CCHCR1: variants seen among roughly 807,000 people sequenced by gnomAD.
CCHCR1 encodes the protein coiled-coil alpha-helical rod protein 1, also known as HCR (a-helix coiled-coil rod homologue).
A neutral mutation model predicts 114.6 loss-of-function variants in CCHCR1; 91 were observed. The ratio of observed to expected loss-of-function variants is 0.79; its 90% CI spans 0.67 to 0.94. The LOEUF (loss-of-function observed/expected upper bound fraction) is 0.94. Among genes scored for constraint, CCHCR1 ranks in the 40% least tolerant of loss-of-function variants. The probability of loss-of-function intolerance (pLI) is 0.00; values close to 1 mark genes in which losing one functional copy is unlikely to be tolerated. For synonymous variants in CCHCR1, 379 were observed against 428.5 expected (o/e 0.88, Z 1.43); for missense variants, 899 against 1,079.9 (o/e 0.83, Z 2.35).
rs9263769 is a variant in CCHCR1, at chr6:31,151,939, G to T, written c.802-817C>A. On this transcript the variant is annotated intron_variant, in intron 4 of 17. Coordinates refer to ENST00000396268, the MANE Select transcript of CCHCR1 (RefSeq NM_001105564.2). This position sits in a 1 kb window ranked among gnomAD's most constrained non-coding sequence, Gnocchi z 4.1. The stretch of plus-strand genomic sequence containing the variant: ...ATACAACAATAAAATTAATTTGGGG[G>T]ACATAAATGACAAAATTTTTTAGAC... 0.15 allele frequency among the ~76,000 whole-genome samples: 22,170 copies of T among 152,066 alleles called. 1,729 individuals are homozygous for T. Among genetic ancestry groups the T allele is most frequent in the African/African-American group, 0.16 (6,616 of 41,458 alleles).
At chr6:31,157,355 T>C (rs1323704280) in intron 1 of CCHCR1, 30 bp downstream of exon 1, 4 of 1,557,982 alleles carry the variant, frequency 2.6e-6, no homozygotes, top group Middle Eastern at 1.7e-4. Context: ...GCTTTACTCA[T>C]ACTTTCAGGA....
Position 31,157,612 on chromosome 6 carries a change from C to A in CCHCR1, c.-12G>T, listed in dbSNP as rs769051430. ...GAATGTGGCCACATGCAGGGCTAGACCCTCCCCAAGACCTTGGGAATCCAG... is the reference window on the plus strand; with the variant it reads ...GAATGTGGCCACATGCAGGGCTAGAACCTCCCCAAGACCTTGGGAATCCAG... On this transcript the variant is annotated 5_prime_UTR_variant, in exon 1 of 18. Coordinates refer to ENST00000396268, the MANE Select transcript of CCHCR1 (RefSeq NM_001105564.2). The A allele has an allele frequency of 4.0e-5, 64 of 1,602,458 alleles. No homozygotes were observed. The highest frequency in any genetic ancestry group is 5.3e-5 in the Non-Finnish European group (62 of 1,175,336).
At chr6:31,147,597 A>G (rs1774539997) in intron 10 of CCHCR1, among the ~76,000 whole-genome samples, 1 of 152,154 alleles carries the variant, frequency 6.6e-6, no homozygotes. Flanking sequence ...TTTAGAAGGA[A>G]ACTAACTGGC....
chr6:31,151,126 C>A lies in CCHCR1; in HGVS notation c.802-4G>T, dbSNP rs74705176. The A allele has an allele frequency of 3.1e-4, 499 of 1,610,626 alleles. 1 individual carries two copies. The African/African-American group carries it at 6.2e-3, about 20-fold the overall frequency. On this transcript the variant is annotated splice_polypyrimidine_tract_variant and splice_region_variant and intron_variant, in intron 4 of 17. Transcript: ENST00000396268. This position sits in a 1 kb window ranked among gnomAD's most constrained non-coding sequence, Gnocchi z 4.1. Reference sequence around the variant, plus strand: ...GAGCCTGTGTCAAAGAGGACAGCTGCGGAAAGAAGAGGGGGCTCAGCAGAG... The same window carrying A: ...GAGCCTGTGTCAAAGAGGACAGCTGAGGAAAGAAGAGGGGGCTCAGCAGAG...
chr6:31,152,207 G>A (rs1206221926), intron 4 of CCHCR1, among the ~76,000 whole-genome samples: 5 of 151,116 alleles, frequency 3.3e-5, no homozygotes, highest in East Asian at 2.0e-4. Flanking sequence ...ACTTGAACCC[G>A]GGAGGCGGAG....
At chr6:31,152,965 A>G (rs189777980) in intron 4 of CCHCR1, among the ~76,000 whole-genome samples, 4 of 151,628 alleles carry the variant, frequency 2.6e-5, no homozygotes, top group Admixed American at 2.6e-4. Flanking sequence ...ACGCCTCTTC[A>G]CTGGCCAACT....
Position 31,143,442 on chromosome 6 carries a change from C to T in CCHCR1, c.2168-29G>A. The T allele has an allele frequency of 6.2e-7, 1 of 1,609,654 alleles. No homozygotes were observed. The highest frequency in any genetic ancestry group is 2.2e-5 in the East Asian group (1 of 44,832). ...CAGAGAGGCCAAGGCACAGAGGAGG[C>T]AGGTGTGAGTCAGGCCAGAGGCAGC... On this transcript the variant is annotated intron_variant, in intron 15 of 17. Transcript: ENST00000396268. This position sits in a 1 kb window ranked among gnomAD's most constrained non-coding sequence, Gnocchi z 5.3.
chr6:31,145,269 G>A lies in CCHCR1; in HGVS notation c.1773C>T (p.Ser591=). ...CTTCCCGCAACTGCTGCAACTCAAG[G>A]CTCACGTCTGTGACCGGTGGTGGTA... The part of the protein sequence containing the change: ...CPLPPPVTDV[S]LELQQLREER... The change falls in exon 13 of 18, where the codon AGC becomes AGT. Residue 591 remains serine (S), a synonymous_variant. Transcript: ENST00000396268. The A allele has an allele frequency of 3.7e-6, 6 of 1,614,048 alleles. No homozygotes were observed. The highest frequency in any genetic ancestry group is 5.1e-6 in the Non-Finnish European group (6 of 1,179,988).
chr6:31,150,273 TG>T lies in CCHCR1; in HGVS notation c.1213-59del, dbSNP rs1338991358. On this transcript the variant is annotated intron_variant, in intron 7 of 17. Coordinates refer to ENST00000396268, the MANE Select transcript of CCHCR1 (RefSeq NM_001105564.2). The surrounding 1 kb of genome is among the most constrained non-coding windows in gnomAD (Gnocchi z 5.3). ...CTCCTGGGGGAGGAGAGGAAGGAGG[TG>T]GCATCTTTGTTTCTCCTCTGTCCTG... The T allele has an allele frequency of 1.9e-6, 3 of 1,571,136 alleles. No homozygotes were observed. Among genetic ancestry groups the T allele is most frequent in the Non-Finnish European group, 2.6e-6 (3 of 1,146,104 alleles).
intron 11 of CCHCR1, 97 bp downstream of exon 11, chr6:31,145,599 G>A: frequency 7.1e-7 from 1 of 1,418,292 alleles, no homozygotes; most frequent in Non-Finnish European, 1.0e-6. Context: ...AAGGAGGAAG[G>A]TGAATGGATG....
At position 31,157,575 on chromosome 6, in the gene CCHCR1, C is replaced by T. The variant is rs1314375099; in HGVS notation, c.26G>A (p.Arg9Lys). The change falls in exon 1 of 18, where the codon AGG becomes AAG. Residue 9 changes from arginine (R) to lysine (K), a missense_variant. Transcript: ENST00000396268. MWPHSAGA[R>K]PWASTLTGKD... Reference sequence around the variant, plus strand: ...CCCTGTTAAAGTGCTGGCCCAAGGCCTGGCCCCAGCTGAATGTGGCCACAT... The same window carrying T: ...CCCTGTTAAAGTGCTGGCCCAAGGCTTGGCCCCAGCTGAATGTGGCCACAT... 6.2e-7 allele frequency: 1 copy of T among 1,612,134 alleles called. No homozygotes were observed. The highest frequency in any genetic ancestry group is 1.1e-5 in the South Asian group (1 of 90,916).
chr6:31,143,346 A>ACGCCTGAGTTCCTGGCTC lies in CCHCR1; in HGVS notation c.2217_2234dup (p.Ser740_Arg745dup), dbSNP rs1561789989. ...CCTCCTTCCGGGCCTCCTCCTGCAG[A>ACGCCTGAGTTCCTGGCTC]CGCCTGAGTTCCTGGCTCCGCTCCT... On this transcript the variant is annotated inframe_insertion, in exon 16 of 18. Coordinates refer to ENST00000396268, the MANE Select transcript of CCHCR1 (RefSeq NM_001105564.2). This position sits in a 1 kb window ranked among gnomAD's most constrained non-coding sequence, Gnocchi z 5.3. 1.2e-6 allele frequency: 2 copies of ACGCCTGAGTTCCTGGCTC among 1,612,922 alleles called. No homozygotes were observed. Among genetic ancestry groups the ACGCCTGAGTTCCTGGCTC allele is most frequent in the Non-Finnish European group, 1.7e-6 (2 of 1,180,040 alleles).
intron 3 of CCHCR1, among the ~76,000 whole-genome samples, chr6:31,155,320 A>G (rs1237764243): frequency 6.6e-6 from 1 of 152,046 alleles, no homozygotes; most frequent in African/African-American, 2.4e-5. Flanking sequence ...AAAGGCATTT[A>G]TTGGCTGGGC....
rs374945040 is a variant in CCHCR1 at position 31,148,775 on chromosome 6, T to C, written c.1363-47A>G. Reference sequence around the variant, plus strand: ...GGCAGGGCCCTCTAGAGCTAAAAGATGAGGGGGGCACTGGAAGCAAAGTGG... The same window carrying C: ...GGCAGGGCCCTCTAGAGCTAAAAGACGAGGGGGGCACTGGAAGCAAAGTGG... On this transcript the variant is annotated intron_variant, in intron 8 of 17. Transcript: ENST00000396268. 3.3e-4 allele frequency: 311 copies of C among 943,184 alleles called. 3 individuals are homozygous for C. The highest frequency in any genetic ancestry group is 1.1e-4 in the Admixed American group (5 of 47,550). The allele number at this position is 943,184 out of a possible 1,614,324, so 58.4% of individuals were successfully genotyped here.
intron 10 of CCHCR1, 58 bp from the exon 11 acceptor site, chr6:31,145,866 C>A: frequency 9.4e-7 from 1 of 1,058,900 alleles, no homozygotes; most frequent in Non-Finnish European, 1.5e-6. Flanking sequence ...AAAGGACTTG[C>A]TGTGCCTTGT....
intron 8 of CCHCR1, 111 bp downstream of exon 8, chr6:31,149,955 T>G (rs1774970530): frequency 8.4e-7 from 1 of 1,185,154 alleles, no homozygotes; most frequent in South Asian, 1.4e-5. Flanking sequence ...TTCAGGGCTG[T>G]GTGCCCAGCA....
intron 10 of CCHCR1, among the ~76,000 whole-genome samples, chr6:31,148,143 G>A (rs1048563369): frequency 4.6e-5 from 7 of 152,158 alleles, no homozygotes; most frequent in African/African-American, 1.4e-4. Context: ...TTACTAGACT[G>A]AACTGCAGGA....
intron 3 of CCHCR1, chr6:31,156,425 G>T: frequency 2.4e-6 from 1 of 424,696 alleles, no homozygotes; most frequent in Non-Finnish European, 4.2e-6. Context: ...CCTCTAGTTT[G>T]CACTTCTTCA....
rs139533555 is a variant in CCHCR1 at position 31,150,754 on chromosome 6, C to T, written c.1072G>A (p.Glu358Lys). 42 of 1,613,018 alleles carry T rather than the reference C, an allele frequency of 2.6e-5. No individual in the cohort carries two copies. The African/African-American group carries it at 5.3e-4, about 20-fold the overall frequency. The change falls in exon 6 of 18, where the codon GAG becomes AAG. Residue 358 changes from glutamate to lysine, a missense_variant. By Grantham distance (56) the Glu-to-Lys change is moderately conservative. Coordinates refer to ENST00000396268, the MANE Select transcript of CCHCR1 (RefSeq NM_001105564.2). The surrounding 1 kb of genome is among the most constrained non-coding windows in gnomAD (Gnocchi z 5.3). ...SEVHSQTWELERQKLLETMQH... is the reference protein window; with the variant it reads ...SEVHSQTWELKRQKLLETMQH... The stretch of plus-strand genomic sequence containing the variant: ...ATGGTTTCCAGAAGCTTCTGTCGCT[C>T]CAGTTCCCATGTCTGGCTGTGGACC...
Sources: gnomAD v4.1 joint callset for allele counts (sites outside exome capture counted in the v4.1 genomes callset) on GRCh38, gnomAD v4.1.1 for gene constraint, Gnocchi (gnomAD v3.1) non-coding constraint, MANE v1.5 for transcripts, NCBI Gene and HGNC (gene_info 2026-07-23, HGNC 2026-07-21) for gene names.